The following CDH20 variants were observed in gnomAD, a reference collection of about 807,000 sequenced individuals.
The protein encoded by CDH20 is cadherin 20.
Under a neutral mutation model 74.2 loss-of-function variants are expected in CDH20, and 29 were observed. The ratio of observed to expected loss-of-function variants is 0.39; its 90% confidence interval spans 0.29 to 0.53. The LOEUF (loss-of-function observed/expected upper bound fraction) is 0.53. Among genes scored for constraint, CDH20 ranks in the 20% least tolerant of loss-of-function variants. The pLI, the probability that CDH20 is intolerant of heterozygous loss-of-function variation, is 0.69. For synonymous variants in CDH20, 469 were observed against 405.4 expected, an observed-to-expected ratio of 1.16 and a Z score of -1.88; for missense variants, 988 against 1,048.3, an observed-to-expected ratio of 0.94 and a Z score of 0.79.
chr18:61,507,666 G>A, intron 6 of CDH20, 106 bp downstream of exon 6: 2 of 685,012 alleles, frequency 2.9e-6, no homozygotes, highest in Non-Finnish European at 4.5e-6. Context: ...CAAATCATCT[G>A]ATAAAAGTGC....
intron 1 of CDH20, among the ~76,000 whole-genome samples, chr18:61,385,870 C>T (rs567226468): frequency 6.8e-6 from 1 of 146,982 alleles, no homozygotes; most frequent in South Asian, 2.1e-4. Context: ...GTGGAGTTTG[C>T]AGTAAGCCAA....
intron 6 of CDH20, among the ~76,000 whole-genome samples, chr18:61,515,451 C>A (rs1911963443): frequency 1.3e-5 from 2 of 152,142 alleles, no homozygotes. Context: ...ATGCAGAAAT[C>A]ACCCGTCTTC....
chr18:61,368,596 TA>T (rs879848201), intron 1 of CDH20, among the ~76,000 whole-genome samples: 1 of 152,056 alleles, frequency 6.6e-6, no homozygotes, highest in Admixed American at 6.6e-5. Context: ...TTTACACTGA[TA>T]CTATTATGTC....
chr18:61,463,929 C>T (rs933932978), intron 1 of CDH20, among the ~76,000 whole-genome samples: 5 of 152,120 alleles, frequency 3.3e-5, no homozygotes, highest in African/African-American at 1.2e-4. Flanking sequence ...AGTATCATTT[C>T]TCCCTCCTCT....
intron 6 of CDH20, among the ~76,000 whole-genome samples, chr18:61,514,029 G>A (rs573548026): frequency 2.0e-4 from 30 of 152,116 alleles, no homozygotes; most frequent in Non-Finnish European, 3.4e-4. Flanking sequence ...TGTATTTCCT[G>A]AATCTGAACA....
At chr18:61,403,715 C>T (rs192214884) in intron 1 of CDH20, among the ~76,000 whole-genome samples, 2 of 152,238 alleles carry the variant, frequency 1.3e-5, no homozygotes, top group Admixed American at 1.3e-4. Flanking sequence ...TTAGATAACT[C>T]ATGGGTAAAG....
At position 61,530,010 on chromosome 18, in the gene CDH20, G is replaced by C. The variant is rs116585473; in HGVS notation, c.1271+1790G>C. ...GGTCCACTGGGCTGTTCTGGGGCAGGACTGCAGATCCTGAGATGAAAATTG... is the reference window on the plus strand; with the variant it reads ...GGTCCACTGGGCTGTTCTGGGGCAGCACTGCAGATCCTGAGATGAAAATTG... On this transcript the variant is annotated intron_variant, in intron 7 of 11. Transcript: ENST00000262717. 8.6e-3 allele frequency among the ~76,000 whole-genome samples: 1,307 copies of C among 152,282 alleles called. 24 individuals are homozygous for C. The highest frequency in any genetic ancestry group is 0.03 in the African/African-American group (1,242 of 41,556).
chr18:61,554,359 G>A lies in CDH20; in HGVS notation c.2070G>A (p.Gln690=), dbSNP rs1395706333. 6 of 1,612,948 alleles carry A rather than the reference G, an allele frequency of 3.7e-6. No individual in the cohort carries two copies. The highest frequency in any genetic ancestry group is 5.1e-6 in the Non-Finnish European group (6 of 1,179,728). Residue 690 remains glutamine, a synonymous_variant, in exon 12 of 12, where the codon CAG becomes CAA. Transcript: ENST00000262717. Reference sequence around the variant, plus strand: ...CCATGTGGAACCCCCGGGAGGCGCAGGCGGGGGCCGCCCCCAAGACGCGGC... The same window carrying A: ...CCATGTGGAACCCCCGGGAGGCGCAAGCGGGGGCCGCCCCCAAGACGCGGC... ...IAAMWNPREA[Q]AGAAPKTRQD...
At chr18:61,337,978 TATAAC>T (rs1487651914) in intron 1 of CDH20, among the ~76,000 whole-genome samples, 7 of 152,244 alleles carry the variant, frequency 4.6e-5, no homozygotes, top group African/African-American at 1.7e-4. Flanking sequence ...TTAGCATAAA[TATAAC>T]ATAACTGTAT....
intron 10 of CDH20, among the ~76,000 whole-genome samples, chr18:61,547,944 C>T (rs1913309628): frequency 6.6e-6 from 1 of 152,076 alleles, no homozygotes; most frequent in African/African-American, 2.4e-5. Context: ...AGGTATAATA[C>T]TTTTATGAAT....
At chr18:61,335,646 G>T (rs1034900770) in intron 1 of CDH20, among the ~76,000 whole-genome samples, 2 of 152,190 alleles carry the variant, frequency 1.3e-5, no homozygotes, top group East Asian at 3.9e-4. Flanking sequence ...TTCGCTCTCT[G>T]CAGATACTCA....
intron 1 of CDH20, among the ~76,000 whole-genome samples, chr18:61,360,281 T>C (rs950875524): frequency 6.6e-6 from 1 of 152,218 alleles, no homozygotes; most frequent in African/African-American, 2.4e-5. Flanking sequence ...GGGAATAGCA[T>C]GGCTCATGCC....
chr18:61,525,140 GT>G (rs1284313585), intron 6 of CDH20, among the ~76,000 whole-genome samples: 1 of 152,068 alleles, frequency 6.6e-6, no homozygotes, highest in Non-Finnish European at 1.5e-5. Flanking sequence ...GGTCACGGGG[GT>G]TTTGAAACAG....
At chr18:61,355,563 T>C (rs909659855) in intron 1 of CDH20, among the ~76,000 whole-genome samples, 2 of 152,202 alleles carry the variant, frequency 1.3e-5, no homozygotes, top group African/African-American at 4.8e-5. Flanking sequence ...CCACAGCTGA[T>C]AGTGGTCATT....
intron 1 of CDH20, among the ~76,000 whole-genome samples, chr18:61,456,919 A>T (rs1230228575): frequency 6.6e-6 from 1 of 152,152 alleles, no homozygotes; most frequent in Non-Finnish European, 1.5e-5. Flanking sequence ...TCCTTTCATT[A>T]GGCCACTAAT....
chr18:61,347,716 T>C (rs1027717434), intron 1 of CDH20, among the ~76,000 whole-genome samples: 6 of 152,176 alleles, frequency 3.9e-5, no homozygotes, highest in African/African-American at 1.4e-4. Context: ...AAATTTGAAA[T>C]AATAATTTAC....
At chr18:61,497,183 A>G (rs1047851623) in intron 2 of CDH20, among the ~76,000 whole-genome samples, 3 of 152,098 alleles carry the variant, frequency 2.0e-5, no homozygotes, top group Admixed American at 6.5e-5. Flanking sequence ...TCTAAATAAA[A>G]TAAGTAGAAA....
chr18:61,517,862 T>C (rs1912058657), intron 6 of CDH20, among the ~76,000 whole-genome samples: 1 of 152,066 alleles, frequency 6.6e-6, no homozygotes, highest in Non-Finnish European at 1.5e-5. Flanking sequence ...CAAGCTAAGA[T>C]CCACTGGCTT....
intron 1 of CDH20, among the ~76,000 whole-genome samples, chr18:61,398,873 T>A (rs1912070277): frequency 6.6e-6 from 1 of 152,138 alleles, no homozygotes; most frequent in Admixed American, 6.5e-5. Flanking sequence ...TGTGGGAAGA[T>A]CTGGCCTATA....
Sources: gnomAD v4.1 joint callset for allele counts (sites outside exome capture counted in the v4.1 genomes callset) on GRCh38, gnomAD v4.1.1 for gene constraint, MANE v1.5 for transcripts, NCBI Gene and HGNC (gene_info 2026-07-23, HGNC 2026-07-21) for gene names.